Variants in TMEM123 observed in about 807,000 individuals in gnomAD.
TMEM123 encodes transmembrane protein 123.
A neutral mutation model predicts 19.7 loss-of-function variants in TMEM123; 16 were observed. The ratio of observed to expected loss-of-function variants is 0.81; its 90% confidence interval spans 0.55 to 1.23. The LOEUF is 1.23. TMEM123 is among the 50% of genes most tolerant of loss of function. The pLI is 0.00. For synonymous variants in TMEM123, 118 were observed against 99.4 expected (o/e 1.19, Z -1.12); for missense variants, 313 against 257.8 (o/e 1.21, Z -1.47).
intron 2 of TMEM123, among the ~76,000 whole-genome samples, chr11:102,405,333 T>C (rs1951946410): frequency 6.6e-6 from 1 of 152,172 alleles, no homozygotes; most frequent in African/African-American, 2.4e-5. Flanking sequence ...ATTACAGGTG[T>C]GAGCCACCGT....
chr11:102,424,227 A>C (rs143030495), intron 2 of TMEM123, among the ~76,000 whole-genome samples: 11 of 152,346 alleles, frequency 7.2e-5, no homozygotes, highest in African/African-American at 2.4e-4. Context: ...CTACGTATTT[A>C]TAAAGAAACC....
intron 2 of TMEM123, among the ~76,000 whole-genome samples, chr11:102,420,341 C>A (rs1310399054): frequency 1.3e-5 from 2 of 152,182 alleles, no homozygotes; most frequent in African/African-American, 2.4e-5. Context: ...ACTGTCTAGG[C>A]ATAGATCTGA....
chr11:102,426,649 C>T (rs1210270260), intron 2 of TMEM123, among the ~76,000 whole-genome samples: 3 of 151,866 alleles, frequency 2.0e-5, no homozygotes, highest in African/African-American at 7.3e-5. Context: ...AATAATTTTC[C>T]CTGCTTAAAG....
intron 1 of TMEM123, among the ~76,000 whole-genome samples, chr11:102,449,884 TACAA>T (rs1183303914): frequency 2.0e-5 from 3 of 152,188 alleles, no homozygotes; most frequent in African/African-American, 7.2e-5. Context: ...GCCGCCCAGA[TACAA>T]AGTGGCAGAG....
chr11:102,432,047 AT>A (rs2135858136), intron 2 of TMEM123, among the ~76,000 whole-genome samples: 1 of 152,280 alleles, frequency 6.6e-6, no homozygotes, highest in Non-Finnish European at 1.5e-5. Flanking sequence ...CATCTTGGGT[AT>A]TTCTTCAAAG....
chr11:102,422,032 C>A (rs1260596760), intron 2 of TMEM123, among the ~76,000 whole-genome samples: 2 of 152,156 alleles, frequency 1.3e-5, no homozygotes, highest in Non-Finnish European at 2.9e-5. Context: ...TGTTTCTTAA[C>A]AAAAATCTAC....
At chr11:102,432,290 T>C (rs57346058) in intron 2 of TMEM123, among the ~76,000 whole-genome samples, 6,826 of 152,298 alleles carry the variant, frequency 0.045, 214 homozygotes, top group Non-Finnish European at 0.073. Context: ...TAGAGACTTG[T>C]TGAACGGCTT....
chr11:102,444,156 A>G (rs533260144), intron 2 of TMEM123, among the ~76,000 whole-genome samples: 1 of 152,352 alleles, frequency 6.6e-6, no homozygotes, highest in East Asian at 1.9e-4. Flanking sequence ...TCAAGGATCC[A>G]GAACTAGAAA....
intron 2 of TMEM123, among the ~76,000 whole-genome samples, chr11:102,427,596 C>A (rs1246099843): frequency 1.3e-5 from 2 of 150,296 alleles, no homozygotes; most frequent in Non-Finnish European, 3.0e-5. Flanking sequence ...CCCAGCACTT[C>A]GGGAGGCTGA....
chr11:102,411,659 G>T lies in TMEM123; in HGVS notation c.158-9453C>A, dbSNP rs111860304. ...GAATTGGATTGTAGGACACTCAGCTGATGTCTGAGAACTGGCAGAGGTGGG... is the reference window on the plus strand; with the variant it reads ...GAATTGGATTGTAGGACACTCAGCTTATGTCTGAGAACTGGCAGAGGTGGG... On this transcript the variant is annotated intron_variant, in intron 2 of 4. Coordinates refer to ENST00000398136, the MANE Select transcript of TMEM123 (RefSeq NM_052932.3). Among the ~76,000 whole-genome samples, 182 of 151,776 alleles carry T rather than the reference G, an allele frequency of 1.2e-3. 1 individual carries two copies. The highest frequency in any genetic ancestry group is 4.3e-3 in the African/African-American group (178 of 41,340).
chr11:102,452,398 G>T, intron 1 of TMEM123, 126 bp downstream of exon 1: 1 of 833,964 alleles, frequency 1.2e-6, no homozygotes, highest in Non-Finnish European at 1.7e-6. Flanking sequence ...GTCACCTCTG[G>T]GTCCGCCCCG....
intron 2 of TMEM123, among the ~76,000 whole-genome samples, chr11:102,402,418 T>C (rs1951922117): frequency 6.6e-6 from 1 of 151,546 alleles, no homozygotes; most frequent in Non-Finnish European, 1.5e-5. Context: ...TAAATTTATA[T>C]AAAGTTAGAA....
chr11:102,401,728 TA>T (rs777536154), intron 3 of TMEM123, 36 bp from the exon 4 acceptor site: 18 of 1,546,442 alleles, frequency 1.2e-5, no homozygotes, highest in Admixed American at 2.3e-5. Flanking sequence ...GCTTTAGCGT[TA>T]TTTTTTTTTT....
intron 4 of TMEM123, among the ~76,000 whole-genome samples, chr11:102,401,107 G>A (rs1156293689): frequency 6.6e-6 from 1 of 152,050 alleles, no homozygotes; most frequent in Non-Finnish European, 1.5e-5. Flanking sequence ...GGGATAATGA[G>A]GCTGTCAGAG....
intron 2 of TMEM123, among the ~76,000 whole-genome samples, chr11:102,445,964 G>T (rs563888400): frequency 2.0e-5 from 3 of 152,154 alleles, no homozygotes; most frequent in Admixed American, 6.5e-5. Context: ...AACGGCTTTG[G>T]AAAGGAGTTG....
intron 1 of TMEM123, among the ~76,000 whole-genome samples, chr11:102,450,065 T>C (rs1208847134): frequency 6.6e-6 from 1 of 152,124 alleles, no homozygotes; most frequent in Non-Finnish European, 1.5e-5. Context: ...TTCTTCTCTC[T>C]TCCTCATCCC....
chr11:102,410,752 G>A (rs1951997430), intron 2 of TMEM123, among the ~76,000 whole-genome samples: 1 of 152,002 alleles, frequency 6.6e-6, no homozygotes, highest in African/African-American at 2.4e-5. Context: ...TATGCTAGGA[G>A]GCTCTGCACA....
At chr11:102,431,118 G>GCTTA (rs1172514430) in intron 2 of TMEM123, among the ~76,000 whole-genome samples, 2 of 152,086 alleles carry the variant, frequency 1.3e-5, no homozygotes, top group Non-Finnish European at 2.9e-5. Context: ...AGGAAACTGT[G>GCTTA]CTTATGTCAT....
At chr11:102,433,055 C>T (rs1003186360) in intron 2 of TMEM123, among the ~76,000 whole-genome samples, 2 of 152,018 alleles carry the variant, frequency 1.3e-5, no homozygotes, top group Non-Finnish European at 2.9e-5. Flanking sequence ...TGGAGAAACT[C>T]TGCTAGGGCA....
Sources: gnomAD v4.1 joint callset for allele counts (sites outside exome capture counted in the v4.1 genomes callset) on GRCh38, gnomAD v4.1.1 for gene constraint, MANE v1.5 for transcripts, NCBI Gene and HGNC (gene_info 2026-07-23, HGNC 2026-07-21) for gene names.